Variants in STK3 observed in about 807,000 individuals in gnomAD.
STK3 encodes serine/threonine kinase 3, also known as serine/threonine-protein kinase 3.
Under a neutral mutation model 58.0 loss-of-function variants are expected in STK3, and 41 were observed. That is an observed-to-expected ratio of 0.71 (90% CI 0.55 to 0.92). The LOEUF (loss-of-function observed/expected upper bound fraction) is 0.92, where lower values mean the gene tolerates loss of function less well. Ranked by LOEUF, STK3 falls within the 40% of genes least tolerant of loss-of-function variation. The pLI is 0.00. For synonymous variants in STK3, 170 were observed against 191.0 expected, an observed-to-expected ratio of 0.89 and a Z score of 0.91; for missense variants, 479 against 602.7, an observed-to-expected ratio of 0.79 and a Z score of 2.15.
chr8:98,500,885 T>G (rs1381823950), intron 10 of STK3, among the ~76,000 whole-genome samples: 2 of 152,222 alleles, frequency 1.3e-5, no homozygotes, highest in African/African-American at 4.8e-5. Context: ...TACATGTGTC[T>G]TTATAGTAGC....
rs58973724 is a variant in STK3 at position 98,838,074 on chromosome 8, C to CAA, written c.110+45571_110+45572dup. Among the ~76,000 whole-genome samples, 82 of 58,742 alleles carry CAA rather than the reference C, an allele frequency of 1.4e-3. 1 individual carries two copies. The highest frequency in any genetic ancestry group is 1.7e-3 in the Non-Finnish European group (51 of 29,924). 38.5% of individuals were successfully genotyped at this position (58,742 alleles called of 152,430 possible). ...TGAAACCGTGTCTCTACTAAAAATA[C>CAA]AAAAAAAAAAAAAAAAAAAAAAGTC... On this transcript the variant is annotated intron_variant, in intron 3 of 12. Transcript: ENST00000523601.
chr8:98,544,612 C>T (rs1810544885), intron 9 of STK3, among the ~76,000 whole-genome samples: 1 of 151,034 alleles, frequency 6.6e-6, no homozygotes. Flanking sequence ...TGAAAGTTCT[C>T]TTAGCTTCCA....
chr8:98,552,629 G>A (rs368615383), intron 8 of STK3, among the ~76,000 whole-genome samples: 6 of 151,870 alleles, frequency 4.0e-5, no homozygotes, highest in Admixed American at 2.0e-4. Flanking sequence ...TGACCTCTTC[G>A]GTGAAGCTTT....
At chr8:98,409,474 T>A (rs1335351013) in intron 3 of STK3, among the ~76,000 whole-genome samples, 3 of 152,216 alleles carry the variant, frequency 2.0e-5, no homozygotes, top group African/African-American at 4.8e-5. Context: ...GCCATCGACA[T>A]CTTCCATGCT....
At chr8:98,347,524 C>CAA in the STK3 span, among the ~76,000 whole-genome samples, 10 of 138,176 alleles carry the variant, frequency 7.2e-5, no homozygotes, top group South Asian at 9.2e-4. Context: ...CAAAAAAAAA[C>CAA]AAAAAAAACC....
intron 10 of STK3, among the ~76,000 whole-genome samples, chr8:98,499,662 C>T (rs1158704790): frequency 1.3e-5 from 2 of 152,106 alleles, no homozygotes; most frequent in East Asian, 1.9e-4. Flanking sequence ...AATATAAACA[C>T]AGTAAAGATG....
the STK3 span, among the ~76,000 whole-genome samples, chr8:98,350,937 C>G: frequency 6.6e-6 from 1 of 151,890 alleles, no homozygotes; most frequent in African/African-American, 2.4e-5. Context: ...CAGGACTTTA[C>G]AGAGAAAGAA....
At chr8:98,427,975 C>A in intron 3 of STK3, 1 of 1,517,616 alleles carries the variant, frequency 6.6e-7, no homozygotes, top group South Asian at 1.2e-5. Context: ...GCCGGCGCCT[C>A]CAGCATGACC....
intron 3 of STK3, among the ~76,000 whole-genome samples, chr8:98,838,719 A>T (rs1835844134): frequency 6.6e-6 from 1 of 152,288 alleles, no homozygotes; most frequent in South Asian, 2.1e-4. Context: ...GCATATTAAC[A>T]CAGCAAAACT....
At chr8:98,658,613 T>C (rs1017248279) in intron 6 of STK3, among the ~76,000 whole-genome samples, 2 of 152,036 alleles carry the variant, frequency 1.3e-5, no homozygotes, top group Non-Finnish European at 2.9e-5. Context: ...TCTTTCTTGC[T>C]GACGCTTCCC....
At chr8:98,852,513 T>C (rs1836511481) in intron 3 of STK3, among the ~76,000 whole-genome samples, 1 of 152,148 alleles carries the variant, frequency 6.6e-6, no homozygotes, top group South Asian at 2.1e-4. Flanking sequence ...AATCAAATAA[T>C]CAATCTATCC....
intron 6 of STK3, among the ~76,000 whole-genome samples, chr8:98,612,402 C>A (rs1044969241): frequency 6.7e-6 from 1 of 149,924 alleles, no homozygotes; most frequent in Non-Finnish European, 1.5e-5. Context: ...TATATATACA[C>A]ACACACACAT....
intron 6 of STK3, among the ~76,000 whole-genome samples, chr8:98,691,862 G>A (rs891847505): frequency 3.3e-5 from 5 of 151,404 alleles, no homozygotes; most frequent in Non-Finnish European, 4.4e-5. Context: ...AACCTGGGAG[G>A]TGGAGGTTGC....
rs530639712 is a variant in STK3 at position 98,584,525 on chromosome 8, T to C, written c.823-4736A>G. On this transcript the variant is annotated intron_variant, in intron 7 of 10. Coordinates refer to ENST00000419617, the MANE Select transcript of STK3 (RefSeq NM_006281.4). ...TTTGGACATGTGGGTTGGTTCCAAG[T>C]CTTTGCTATTGTGAATAATGCCGCA... Among the ~76,000 whole-genome samples the C allele has an allele frequency of 3.9e-5, 6 of 152,064 alleles. No individual in the cohort carries two copies. The South Asian group carries it at 6.2e-4, about 16-fold the overall frequency.
At chr8:98,699,217 T>G (rs1299223586) in intron 6 of STK3, among the ~76,000 whole-genome samples, 1 of 152,036 alleles carries the variant, frequency 6.6e-6, no homozygotes. Flanking sequence ...CTCCATCAGC[T>G]CCTTTAAGCA....
intron 6 of STK3, among the ~76,000 whole-genome samples, chr8:98,625,214 C>A (rs2130439335): frequency 6.6e-6 from 1 of 152,278 alleles, no homozygotes; most frequent in East Asian, 1.9e-4. Flanking sequence ...AGCCTTACTG[C>A]TATTTGAGGA....
intron 1 of STK3, among the ~76,000 whole-genome samples, chr8:98,934,516 A>G (rs1171710296): frequency 1.3e-5 from 2 of 152,252 alleles, no homozygotes; most frequent in African/African-American, 4.8e-5. Flanking sequence ...GTTCCAAAGT[A>G]GAATCCTGCC....
chr8:98,596,141 G>C lies in STK3; in HGVS notation c.713C>G (p.Pro238Arg), dbSNP rs1216047422. Reference sequence around the variant, plus strand: ...AAGTTCTGGCTTTCTGAATGTTGGTGGTGGATTTGTGGGAATCATAAAAAT... The same window carrying C: ...AAGTTCTGGCTTTCTGAATGTTGGTCGTGGATTTGTGGGAATCATAAAAAT... ...RAIFMIPTNPPPTFRKPELWS... is the reference protein window; with the variant it reads ...RAIFMIPTNPRPTFRKPELWS... The change falls in exon 7 of 11, where the codon CCA becomes CGA. Residue 238 changes from proline to arginine, a missense_variant. By Grantham distance (103) the Pro-to-Arg change is moderately radical (BLOSUM62 -2). This residue lies in a region of STK3 where 309 missense variants were observed against 355.7 expected (regional missense o/e 0.87). Transcript: ENST00000419617. 6.2e-7 allele frequency: 1 copy of C among 1,612,826 alleles called. No individual in the cohort carries two copies. The highest frequency in any genetic ancestry group is 8.5e-7 in the Non-Finnish European group (1 of 1,179,392).
chr8:98,550,569 A>G (rs1017710103), intron 8 of STK3, among the ~76,000 whole-genome samples: 2 of 152,228 alleles, frequency 1.3e-5, no homozygotes, highest in Non-Finnish European at 2.9e-5. Context: ...CTATATATGC[A>G]TCAGTCAACT....
Sources: gnomAD v4.1 joint callset for allele counts (sites outside exome capture counted in the v4.1 genomes callset) on GRCh38, gnomAD v4.1.1 for gene constraint, gnomAD v4.1.1 regional missense constraint, MANE v1.5 for transcripts, NCBI Gene and HGNC (gene_info 2026-07-23, HGNC 2026-07-21) for gene names.